Variants in PAH observed in about 807,000 individuals in gnomAD.
PAH encodes phenylalanine hydroxylase, also known as phenylalanine-4-hydroxylase.
A neutral mutation model predicts 62.0 loss-of-function variants in PAH; 64 were observed. The observed-to-expected ratio is 1.03, with a 90% CI of 0.84 to 1.27. The LOEUF (loss-of-function observed/expected upper bound fraction) is 1.27. Ranked by LOEUF, PAH falls within the 50% of genes most tolerant of loss-of-function variation. The probability of loss-of-function intolerance (pLI) is 0.00; values close to 1 mark genes in which losing one functional copy is unlikely to be tolerated. For missense variants in PAH, 579 were observed against 542.8 expected (o/e 1.07, Z -0.66); for synonymous variants, 195 against 196.2 (o/e 0.99, Z 0.05).
chr12:102,949,377 G>A (rs982946781), intron 1 of PAH, among the ~76,000 whole-genome samples: 1 of 152,166 alleles, frequency 6.6e-6, no homozygotes, highest in Non-Finnish European at 1.5e-5. Flanking sequence ...AACCAAGTTC[G>A]TCTATTCAAA....
chr12:102,870,687 CT>C (rs1876271905), intron 4 of PAH, among the ~76,000 whole-genome samples: 1 of 152,126 alleles, frequency 6.6e-6, no homozygotes, highest in African/African-American at 2.4e-5. Flanking sequence ...TAACAAGAGG[CT>C]TTTTGCATTT....
chr12:102,843,868 C>T, intron 10 of PAH, 89 bp from the exon 11 acceptor site: 1 of 1,384,340 alleles, frequency 7.2e-7, no homozygotes, highest in South Asian at 1.2e-5. Context: ...TGCCCCTTCT[C>T]TCATCTCACC....
chr12:102,878,602 C>T (rs1227956668), intron 3 of PAH, among the ~76,000 whole-genome samples: 2 of 148,820 alleles, frequency 1.3e-5, no homozygotes, highest in South Asian at 2.1e-4. Flanking sequence ...CTTTGTTGTA[C>T]CGGGCATAAA....
intron 4 of PAH, among the ~76,000 whole-genome samples, chr12:102,875,642 T>C (rs1876530676): frequency 6.6e-6 from 1 of 152,162 alleles, no homozygotes; most frequent in African/African-American, 2.4e-5. Context: ...GTATATAGGA[T>C]GGAATGGGGG....
At chr12:102,897,292 A>AT (rs143570145) in intron 2 of PAH, among the ~76,000 whole-genome samples, 5,611 of 151,854 alleles carry the variant, frequency 0.037, 351 homozygotes, top group African/African-American at 0.13. Flanking sequence ...TCATTGTTCA[A>AT]TTTTTTATTT....
intron 3 of PAH, among the ~76,000 whole-genome samples, chr12:102,887,943 A>G (rs1877109578): frequency 1.3e-5 from 2 of 152,160 alleles, no homozygotes; most frequent in East Asian, 3.9e-4. Context: ...TTGAGAGAAC[A>G]CACCTGTCAC....
At chr12:102,947,942 A>T (rs563069356) in intron 1 of PAH, among the ~76,000 whole-genome samples, 1 of 152,108 alleles carries the variant, frequency 6.6e-6, no homozygotes, top group Non-Finnish European at 1.5e-5. Flanking sequence ...ACAGGTAGAG[A>T]GAGTAAGTTC....
In PAH at chr12:102,958,295, G is replaced by T. The variant is rs758644642; in HGVS notation, c.-196C>A. The stretch of plus-strand genomic sequence containing the variant: ...GCGGCGGCGCCGGCCAGCAGCCCCA[G>T]CCGCAGCCCCAGCAGCCCTTCCTGC... On this transcript the variant is annotated 5_prime_UTR_variant, in exon 1 of 5. Coordinates refer to the PAH transcript ENST00000551337. 43 of 1,479,844 alleles carry T rather than the reference G, an allele frequency of 2.9e-5. No individual in the cohort carries two copies. In the South Asian group the frequency reaches 5.1e-4, roughly 17 times the overall value. The allele number at this position is 1,479,844 out of a possible 1,614,324, so 91.7% of individuals were successfully genotyped here. A position where few individuals can be genotyped will look rare whatever the true frequency, so the allele number is the denominator to read the frequency against.
At chr12:102,905,127 G>C (rs540917107) in intron 2 of PAH, among the ~76,000 whole-genome samples, 5 of 152,112 alleles carry the variant, frequency 3.3e-5, no homozygotes, top group Non-Finnish European at 7.3e-5. Context: ...GTCACACCAG[G>C]CATAGCAAGA....
At chr12:102,853,424 T>C (rs1452144931) in intron 6 of PAH, 3 of 228,040 alleles carry the variant, frequency 1.3e-5, no homozygotes, top group Middle Eastern at 1.6e-3. Context: ...GTCTACCCCA[T>C]AAGTAGCAGT....
intron 1 of PAH, among the ~76,000 whole-genome samples, chr12:102,915,544 G>A (rs1208034685): frequency 2.0e-5 from 3 of 152,200 alleles, no homozygotes; most frequent in Non-Finnish European, 1.5e-5. Context: ...TCACCAGACA[G>A]TTAGTCAATA....
chr12:102,956,932 G>A (rs964214255), intron 1 of PAH, among the ~76,000 whole-genome samples: 1 of 152,148 alleles, frequency 6.6e-6, no homozygotes, highest in Non-Finnish European at 1.5e-5. Flanking sequence ...GGCTGCAGAC[G>A]AGGAAGCGAA....
chr12:102,894,762 G>T lies in PAH; in HGVS notation c.325C>A (p.Leu109Ile). Reference protein sequence around the residue: ...RHDIGATVHELSRDKKKDTVP... With the variant: ...RHDIGATVHEISRDKKKDTVP... Reference sequence around the variant, plus strand: ...GTGTCTTTCTTCTTATCTCGTGAAAGCTCATGGACAGTGGCACCAATGTCA... The same window carrying T: ...GTGTCTTTCTTCTTATCTCGTGAAATCTCATGGACAGTGGCACCAATGTCA... The change falls in exon 3 of 13, where the codon CTT becomes ATT. Residue 109 changes from leucine to isoleucine, a missense_variant. Physicochemically the swap from Leu to Ile is conservative, Grantham distance 5. Coordinates refer to ENST00000553106, the MANE Select transcript of PAH (RefSeq NM_000277.3). 2 of 1,614,046 alleles carry T rather than the reference G, an allele frequency of 1.2e-6. No individual in the cohort carries two copies. Among genetic ancestry groups the T allele is most frequent in the East Asian group, 4.5e-5 (2 of 44,876 alleles).
chr12:102,880,898 T>C (rs1050214027), intron 3 of PAH, among the ~76,000 whole-genome samples: 1 of 151,694 alleles, frequency 6.6e-6, no homozygotes, highest in African/African-American at 2.4e-5. Flanking sequence ...TGGGGTATAA[T>C]TGAACAATAA....
In PAH at chr12:102,917,023, G is replaced by A. The variant is rs780197002; in HGVS notation, c.60+48C>T. ...CAGCAGTCTTCGGATCTCTTTCTCTGGAGGCCCAAATTCCCCTAACTGAGC... is the reference window on the plus strand; with the variant it reads ...CAGCAGTCTTCGGATCTCTTTCTCTAGAGGCCCAAATTCCCCTAACTGAGC... On this transcript the variant is annotated intron_variant, in intron 1 of 12. Transcript: ENST00000553106. 5.1e-6 allele frequency: 8 copies of A among 1,558,748 alleles called. No homozygotes were observed. In the Admixed American group the frequency reaches 1.2e-4, roughly 23 times the overall value.
chr12:102,876,784 T>G (rs904161032), intron 4 of PAH, among the ~76,000 whole-genome samples: 3 of 136,350 alleles, frequency 2.2e-5, no homozygotes, highest in Non-Finnish European at 3.1e-5. Flanking sequence ...ACCCCGGCCC[T>G]CTACTCAAAA....
intron 2 of PAH, chr12:102,904,852 C>T (rs1877909482): frequency 3.0e-6 from 1 of 328,698 alleles, no homozygotes; most frequent in Non-Finnish European, 6.2e-6. Context: ...TACCAAGCTA[C>T]TTTTCTTCTG....
chr12:102,903,377 C>A (rs1260655239), intron 2 of PAH, among the ~76,000 whole-genome samples: 17 of 126,258 alleles, frequency 1.3e-4, no homozygotes, highest in Admixed American at 8.2e-4. Flanking sequence ...AAAAAACACA[C>A]ACACACACAA....
intron 8 of PAH, among the ~76,000 whole-genome samples, chr12:102,851,314 G>T (rs1875138619): frequency 6.6e-6 from 1 of 152,118 alleles, no homozygotes; most frequent in Non-Finnish European, 1.5e-5. Flanking sequence ...ATAACTGCCT[G>T]ACAAGGTAGA....
Sources: gnomAD v4.1 joint callset for allele counts (sites outside exome capture counted in the v4.1 genomes callset) on GRCh38, gnomAD v4.1.1 for gene constraint, MANE v1.5 for transcripts, NCBI Gene and HGNC (gene_info 2026-07-23, HGNC 2026-07-21) for gene names.